TMTC1: variants seen among roughly 807,000 people sequenced by gnomAD.
TMTC1 encodes transmembrane O-mannosyltransferase targeting cadherins 1.
In TMTC1, 73 loss-of-function variants were observed where a neutral mutation model predicts 104.8. That is an observed-to-expected ratio of 0.70 (90% CI 0.58 to 0.85). The LOEUF (loss-of-function observed/expected upper bound fraction) is 0.85, where lower values mean the gene tolerates loss of function less well. Ranked by LOEUF, TMTC1 falls within the 40% of genes least tolerant of loss-of-function variation. The pLI is 0.00. For synonymous variants in TMTC1, 434 were observed against 428.7 expected (o/e 1.01, Z -0.15); for missense variants, 1,035 against 1,096.1 (o/e 0.94, Z 0.79).
chr12:29,697,059 G>C lies in TMTC1; in HGVS notation c.938+54607C>G, dbSNP rs548807056. The stretch of plus-strand genomic sequence containing the variant: ...TCCATGAAAGCAGGAGATTTTGCTT[G>C]CATTGTTTACCAATTTATTCTCAGA... On this transcript the variant is annotated intron_variant, in intron 5 of 17. Transcript: ENST00000539277. Among the ~76,000 whole-genome samples, 7 of 152,296 alleles carry C rather than the reference G, an allele frequency of 4.6e-5. No individual in the cohort carries two copies. In the East Asian group the frequency reaches 9.6e-4, roughly 21 times the overall value.
chr12:29,544,752 C>T (rs1169300147), intron 10 of TMTC1, among the ~76,000 whole-genome samples: 1 of 152,178 alleles, frequency 6.6e-6, no homozygotes, highest in African/African-American at 2.4e-5. Flanking sequence ...CAGGTAGGGA[C>T]CTAAAAGGGA....
At chr12:29,644,113 G>A (rs201010958) in intron 5 of TMTC1, among the ~76,000 whole-genome samples, 4,110 of 65,242 alleles carry the variant, frequency 0.063, 278 homozygotes, top group East Asian at 0.096. Context: ...AAATATATAT[G>A]TGTGTGTGTG....
At chr12:29,521,566 C>CTTTTTTTTTTTTTTTTTT (rs3036151) in intron 11 of TMTC1, among the ~76,000 whole-genome samples, 1 of 89,642 alleles carries the variant, frequency 1.1e-5, no homozygotes, top group African/African-American at 3.5e-5. Flanking sequence ...TTCTTTCTTT[C>CTTTTTTTTTTTTTTTTTT]TTTTTTTTTT....
chr12:29,571,840 T>C (rs1945686898), intron 9 of TMTC1, among the ~76,000 whole-genome samples: 1 of 152,214 alleles, frequency 6.6e-6, no homozygotes, highest in South Asian at 2.1e-4. Context: ...TATATTGAAC[T>C]GTCAGTTCAT....
intron 9 of TMTC1, among the ~76,000 whole-genome samples, chr12:29,567,844 A>T (rs1038882932): frequency 6.6e-6 from 1 of 152,190 alleles, no homozygotes; most frequent in Non-Finnish European, 1.5e-5. Flanking sequence ...GTGACAGAAA[A>T]TGGTTTTATA....
At position 29,707,164 on chromosome 12, in the gene TMTC1, G is replaced by C. The variant is rs1255181405; in HGVS notation, c.938+44502C>G. Among the ~76,000 whole-genome samples, 4 of 152,148 alleles carry C rather than the reference G, an allele frequency of 2.6e-5. No individual in the cohort carries two copies. The East Asian group carries it at 7.7e-4, about 29-fold the overall frequency. On this transcript the variant is annotated intron_variant, in intron 5 of 17. Transcript: ENST00000539277. The stretch of plus-strand genomic sequence containing the variant: ...CAAGAGGTGGCTTGGGAATAGGTTG[G>C]GGACTGTCCTGGTTTTAGAACCATG...
intron 9 of TMTC1, among the ~76,000 whole-genome samples, chr12:29,565,094 G>T (rs1326930934): frequency 6.6e-6 from 1 of 152,172 alleles, no homozygotes; most frequent in Non-Finnish European, 1.5e-5. Context: ...TCATGATTGT[G>T]GGGGCTGGCA....
At chr12:29,622,264 A>G (rs1937713090) in intron 6 of TMTC1, among the ~76,000 whole-genome samples, 1 of 152,152 alleles carries the variant, frequency 6.6e-6, no homozygotes. Context: ...ATCTCAAGAC[A>G]CTCTGTGAGA....
chr12:29,603,208 T>C (rs746294172), intron 7 of TMTC1, among the ~76,000 whole-genome samples: 3 of 152,082 alleles, frequency 2.0e-5, no homozygotes, highest in Admixed American at 6.6e-5. Context: ...TGCTGCAAAG[T>C]GTTAAGAAAG....
intron 5 of TMTC1, among the ~76,000 whole-genome samples, chr12:29,719,394 C>T (rs1942173102): frequency 6.6e-6 from 1 of 152,152 alleles, no homozygotes; most frequent in Admixed American, 6.5e-5. Context: ...GTACAAAACC[C>T]AGGAGTATGT....
chr12:29,616,285 G>T (rs1946975673), intron 6 of TMTC1, among the ~76,000 whole-genome samples: 1 of 152,128 alleles, frequency 6.6e-6, no homozygotes, highest in Non-Finnish European at 1.5e-5. Flanking sequence ...CTCACTTCAG[G>T]AGTTTCTATA....
Position 29,518,417 on chromosome 12 carries a change from T to C in TMTC1, c.2024+55A>G, listed in dbSNP as rs866334032. On this transcript the variant is annotated intron_variant, in intron 13 of 17. Coordinates refer to ENST00000539277, the MANE Select transcript of TMTC1 (RefSeq NM_001193451.2). ...CTATTCTGATTAACTAAGAAGCTGA[T>C]GAGTGATTGCTGAGGTTCCTGGGCA... is the stretch of plus-strand genomic sequence containing the variant. 3.8e-6 allele frequency: 6 copies of C among 1,585,374 alleles called. No homozygotes were observed. In the African/African-American group the frequency reaches 5.4e-5, roughly 14 times the overall value.
chr12:29,521,419 G>A, intron 11 of TMTC1, among the ~76,000 whole-genome samples: 1 of 152,126 alleles, frequency 6.6e-6, no homozygotes. Flanking sequence ...TCCAACCTGT[G>A]TGGCAAGGTT....
At chr12:29,673,136 T>A (rs1940580165) in intron 5 of TMTC1, among the ~76,000 whole-genome samples, 1 of 152,230 alleles carries the variant, frequency 6.6e-6, no homozygotes, top group African/African-American at 2.4e-5. Context: ...CTTGGAACTC[T>A]ATTTTTTGCA....
intron 5 of TMTC1, among the ~76,000 whole-genome samples, chr12:29,741,000 C>T (rs981695379): frequency 3.3e-5 from 5 of 152,034 alleles, no homozygotes; most frequent in Non-Finnish European, 5.9e-5. Flanking sequence ...GTTTTGCTCT[C>T]GCAAGCAAAT....
intron 12 of TMTC1, 63 bp from the exon 13 acceptor site, chr12:29,518,670 C>T: frequency 1.9e-6 from 3 of 1,561,068 alleles, no homozygotes; most frequent in Non-Finnish European, 2.6e-6. Flanking sequence ...ATGAACATTT[C>T]ACTTTCTCTT....
intron 1 of TMTC1, among the ~76,000 whole-genome samples, chr12:29,782,383 A>AG (rs1265897492): frequency 6.6e-6 from 1 of 152,210 alleles, no homozygotes; most frequent in Non-Finnish European, 1.5e-5. Flanking sequence ...TCAGCCTCTC[A>AG]TCCAGAGCAG....
chr12:29,665,424 A>G (rs1489875178), intron 5 of TMTC1, among the ~76,000 whole-genome samples: 1 of 152,140 alleles, frequency 6.6e-6, no homozygotes, highest in East Asian at 1.9e-4. Context: ...ACTCACATCC[A>G]CCATCCCAGT....
intron 6 of TMTC1, among the ~76,000 whole-genome samples, chr12:29,627,915 G>C (rs1938088077): frequency 6.6e-6 from 1 of 152,136 alleles, no homozygotes; most frequent in African/African-American, 2.4e-5. Flanking sequence ...CCATGTGAAA[G>C]ATGCCCTCCC....
Sources: allele counts gnomAD v4.1 joint callset (sites outside exome capture counted in the v4.1 genomes callset), GRCh38; gene constraint gnomAD v4.1.1; transcripts MANE v1.5; gene names NCBI Gene and HGNC (gene_info 2026-07-23, HGNC 2026-07-21).